EML6: variants seen among roughly 807,000 people sequenced by gnomAD.
The protein encoded by EML6 is echinoderm microtubule-associated protein-like 6.
Under a neutral mutation model 240.1 loss-of-function variants are expected in EML6, and 154 were observed. The observed-to-expected ratio is 0.64, with a 90% CI of 0.56 to 0.73. EML6 has a LOEUF of 0.73. Ranked by LOEUF, EML6 falls within the 30% of genes least tolerant of loss-of-function variation. The probability of loss-of-function intolerance (pLI) is 0.00; values close to 1 mark genes in which losing one functional copy is unlikely to be tolerated. For synonymous variants in EML6, 1,148 were observed against 899.0 expected (o/e 1.28, Z -4.95); for missense variants, 2,964 against 2,474.6 (o/e 1.20, Z -4.20).
intron 2 of EML6, among the ~76,000 whole-genome samples, chr2:54,780,408 T>G (rs2103846915): frequency 1.3e-5 from 2 of 152,322 alleles, no homozygotes; most frequent in African/African-American, 4.8e-5. Flanking sequence ...GATAGATAGT[T>G]GACTGTCCCA....
Position 54,835,022 on chromosome 2 carries a change from C to T in EML6, c.847+5545C>T, listed in dbSNP as rs1312809173. On this transcript the variant is annotated intron_variant, in intron 7 of 41. Transcript: ENST00000356458. Reference sequence around the variant, plus strand: ...CACCACCCTCCGCATTGCGCTGCTTCGCCCTGGCTGCTCCTTCCCCTCGCT... The same window carrying T: ...CACCACCCTCCGCATTGCGCTGCTTTGCCCTGGCTGCTCCTTCCCCTCGCT... 6.6e-5 allele frequency among the ~76,000 whole-genome samples: 10 copies of T among 152,182 alleles called. No homozygotes were observed. In the South Asian group the frequency reaches 1.4e-3, roughly 22 times the overall value.
rs143118592 is a variant in EML6, at chr2:54,826,567, T to A, written c.526-999T>A. 7.9e-5 allele frequency among the ~76,000 whole-genome samples: 12 copies of A among 152,268 alleles called. No individual in the cohort carries two copies. In the East Asian group the frequency reaches 2.3e-3, roughly 29 times the overall value. On this transcript the variant is annotated intron_variant, in intron 5 of 41. Coordinates refer to ENST00000356458, the MANE Select transcript of EML6 (RefSeq NM_001039753.4). Reference sequence around the variant, plus strand: ...GTGAGCCAAGATCGGGCCACTGCACTCCACCCTGGGCAGCAGAGTGAGACT... The same window carrying A: ...GTGAGCCAAGATCGGGCCACTGCACACCACCCTGGGCAGCAGAGTGAGACT...
intron 2 of EML6, among the ~76,000 whole-genome samples, chr2:54,727,326 G>T (rs1013668138): frequency 7.2e-6 from 1 of 138,112 alleles, no homozygotes; most frequent in Non-Finnish European, 1.5e-5. Flanking sequence ...GCAGAGCAGA[G>T]CAGAGTTCCT....
chr2:54,898,897 C>T (rs1015170555), intron 21 of EML6, among the ~76,000 whole-genome samples: 4 of 152,062 alleles, frequency 2.6e-5, no homozygotes, highest in African/African-American at 4.8e-5. Flanking sequence ...GTTAAGTGTT[C>T]GTTATAAAAA....
chr2:54,792,820 AT>A (rs1373981968), intron 2 of EML6, among the ~76,000 whole-genome samples: 5 of 152,238 alleles, frequency 3.3e-5, no homozygotes, highest in Admixed American at 2.6e-4. Flanking sequence ...GGAGATTGAA[AT>A]TTAGGATTTC....
chr2:54,878,532 A>G (rs985264818), intron 16 of EML6, among the ~76,000 whole-genome samples: 15 of 152,220 alleles, frequency 9.9e-5, no homozygotes, highest in African/African-American at 3.6e-4. Flanking sequence ...GAAAAAGCAA[A>G]TTAAGTGTTT....
At chr2:54,873,969 T>C (rs535088053) in intron 16 of EML6, among the ~76,000 whole-genome samples, 2 of 151,934 alleles carry the variant, frequency 1.3e-5, no homozygotes, top group East Asian at 3.9e-4. Flanking sequence ...TGACTGCAAA[T>C]GAGAATGTGC....
At chr2:54,873,297 T>G (rs966968974) in intron 16 of EML6, among the ~76,000 whole-genome samples, 16 of 152,234 alleles carry the variant, frequency 1.1e-4, no homozygotes, top group African/African-American at 3.9e-4. Context: ...CTTCAGTGAT[T>G]ATCAAATTGG....
At chr2:54,730,007 G>A (rs1454857038) in intron 2 of EML6, among the ~76,000 whole-genome samples, 1 of 152,086 alleles carries the variant, frequency 6.6e-6, no homozygotes, top group South Asian at 2.1e-4. Context: ...ATGGTGGCAG[G>A]TGCCTGTGGT....
At chr2:54,751,887 A>G (rs1223030982) in intron 2 of EML6, among the ~76,000 whole-genome samples, 3 of 152,238 alleles carry the variant, frequency 2.0e-5, no homozygotes, top group Non-Finnish European at 4.4e-5. Context: ...TCCAGTTTCA[A>G]GAAATAAGGG....
intron 17 of EML6, among the ~76,000 whole-genome samples, chr2:54,888,504 A>G (rs570822794): frequency 9.2e-5 from 14 of 152,242 alleles, no homozygotes; most frequent in East Asian, 3.9e-4. Context: ...TGTTCTGCCT[A>G]TTTATCCTTT....
intron 7 of EML6, among the ~76,000 whole-genome samples, chr2:54,834,554 C>CTG (rs1669036289): frequency 6.6e-6 from 1 of 152,190 alleles, no homozygotes; most frequent in South Asian, 2.1e-4. Context: ...TGCCTAGGAA[C>CTG]TGAATAGGAA....
At position 54,819,578 on chromosome 2, in the gene EML6, C is replaced by G. The variant is rs578113772; in HGVS notation, c.457-816C>G. 2.0e-5 allele frequency among the ~76,000 whole-genome samples: 3 copies of G among 152,104 alleles called. No individual in the cohort carries two copies. The East Asian group carries it at 5.8e-4, about 29-fold the overall frequency. On this transcript the variant is annotated intron_variant, in intron 4 of 41. Transcript: ENST00000356458. ...GGATCACGAGGTCACAAGATTGAGA[C>G]CAGCCTGACCAACATGGTGAAACCC...
chr2:54,937,288 AAAG>A lies in EML6; in HGVS notation c.4004+8544_4004+8546del, dbSNP rs1248230358. Among the ~76,000 whole-genome samples the A allele has an allele frequency of 2.6e-4, 39 of 151,628 alleles. No individual in the cohort carries two copies. The East Asian group carries it at 3.3e-3, about 13-fold the overall frequency. ...AGCGAAACTCTGTCTCAAAAAAAAA[AAAG>A]AAGAAGTCTTAGGCTAAGCATGGTG... On this transcript the variant is annotated intron_variant, in intron 28 of 41. Transcript: ENST00000356458.
At chr2:54,766,604 C>G (rs1266929653) in intron 2 of EML6, among the ~76,000 whole-genome samples, 1 of 150,052 alleles carries the variant, frequency 6.7e-6, no homozygotes, top group Non-Finnish European at 1.5e-5. Flanking sequence ...CCAGATTTCT[C>G]TATGGCAAAG....
intron 2 of EML6, among the ~76,000 whole-genome samples, chr2:54,797,181 A>AAAAAAAC (rs1669855736): frequency 6.8e-6 from 1 of 147,678 alleles, no homozygotes. Context: ...AAAAAAAAAA[A>AAAAAAAC]AAAAAAAACT....
chr2:54,774,237 G>A lies in EML6; in HGVS notation c.198-38995G>A, dbSNP rs371913422. Among the ~76,000 whole-genome samples the A allele has an allele frequency of 6.6e-6, 1 of 152,174 alleles. No individual in the cohort carries two copies. The highest frequency in any genetic ancestry group is 1.5e-5 in the Non-Finnish European group (1 of 68,028). ...GTTTCCTAGGAAGCAGCTCTGAGACGAAGTTCAGCTTGCAAAATGTTTATT... is the reference window on the plus strand; with the variant it reads ...GTTTCCTAGGAAGCAGCTCTGAGACAAAGTTCAGCTTGCAAAATGTTTATT... On this transcript the variant is annotated intron_variant, in intron 2 of 41. Transcript: ENST00000356458. This position sits in a 1 kb window ranked among gnomAD's most constrained non-coding sequence, Gnocchi z 4.1.
At chr2:54,937,384 A>T (rs1249523291) in intron 28 of EML6, among the ~76,000 whole-genome samples, 2 of 151,868 alleles carry the variant, frequency 1.3e-5, no homozygotes, top group Non-Finnish European at 2.9e-5. Flanking sequence ...CAGCCTGGAC[A>T]ATATAGGGAG....
At chr2:54,877,176 G>A (rs548592250) in intron 16 of EML6, among the ~76,000 whole-genome samples, 1 of 151,918 alleles carries the variant, frequency 6.6e-6, no homozygotes, top group African/African-American at 2.4e-5. Flanking sequence ...TAGAGAGTGG[G>A]TTTCCTCATG....
Sources: gnomAD v4.1 joint callset for allele counts (sites outside exome capture counted in the v4.1 genomes callset) on GRCh38, gnomAD v4.1.1 for gene constraint, Gnocchi (gnomAD v3.1) non-coding constraint, MANE v1.5 for transcripts, NCBI Gene and HGNC (gene_info 2026-07-23, HGNC 2026-07-21) for gene names.